The following CAMTA1 variants were observed in gnomAD, a reference collection of about 807,000 sequenced individuals.
CAMTA1 encodes the protein calmodulin-binding transcription activator 1.
In CAMTA1, 27 loss-of-function variants were observed where a neutral mutation model predicts 170.9. The ratio of observed to expected loss-of-function variants is 0.16; its 90% CI spans 0.12 to 0.22. The LOEUF is 0.22. Among genes scored for constraint, CAMTA1 ranks in the 10% least tolerant of loss-of-function variants. The pLI is 1.00. For synonymous variants in CAMTA1, 833 were observed against 891.5 expected, an observed-to-expected ratio of 0.93 and a Z score of 1.17; for missense variants, 1,619 against 2,217.2, an observed-to-expected ratio of 0.73 and a Z score of 5.42.
At chr1:6,995,295 C>CTTTTCTTTTTTTTTTTTTT (rs1697047615) in intron 3 of CAMTA1, among the ~76,000 whole-genome samples, 9 of 60,620 alleles carry the variant, frequency 1.5e-4, no homozygotes, top group Middle Eastern at 0.012. Flanking sequence ...TTTTTCTTTT[C>CTTTTCTTTTTTTTTTTTTT]TTTTTTTTTT....
chr1:7,376,880 C>T (rs11120906), intron 5 of CAMTA1, among the ~76,000 whole-genome samples: 3,082 of 152,248 alleles, frequency 0.02, 95 homozygotes, highest in African/African-American at 0.069. Context: ...ATAGGCTGCT[C>T]CCTGGGAGCT....
intron 3 of CAMTA1, among the ~76,000 whole-genome samples, chr1:7,023,914 G>A (rs1441670963): frequency 6.6e-6 from 1 of 151,772 alleles, no homozygotes; most frequent in Non-Finnish European, 1.5e-5. Flanking sequence ...TGTAATCCCA[G>A]CTACTCAGGA....
At chr1:7,511,822 C>T (rs2094205267) in intron 6 of CAMTA1, among the ~76,000 whole-genome samples, 1 of 152,196 alleles carries the variant, frequency 6.6e-6, no homozygotes, top group Non-Finnish European at 1.5e-5. Context: ...TGGCGGCTTT[C>T]CTGGTCCCCA....
At chr1:7,139,142 C>CAT (rs200912652) in intron 4 of CAMTA1, among the ~76,000 whole-genome samples, 67,013 of 133,032 alleles carry the variant, frequency 0.5, 17,221 homozygotes, top group African/African-American at 0.69. Context: ...TATAAATAAA[C>CAT]AAATATATAA....
intron 7 of CAMTA1, among the ~76,000 whole-genome samples, chr1:7,646,938 G>A (rs772386543): frequency 2.6e-5 from 4 of 152,222 alleles, no homozygotes; most frequent in Non-Finnish European, 4.4e-5. Context: ...CAGGGTGTCA[G>A]TCCTGCCAGC....
chr1:7,118,689 T>C (rs774005820), intron 4 of CAMTA1, among the ~76,000 whole-genome samples: 19 of 152,192 alleles, frequency 1.2e-4, no homozygotes, highest in Non-Finnish European at 2.1e-4. Context: ...TTAAAAAATG[T>C]GTGTCCCGGT....
In CAMTA1 at chr1:7,467,880, G is replaced by A. The variant is rs1322443941; in HGVS notation, c.489G>A (p.Arg163=). 1.2e-6 allele frequency: 2 copies of A among 1,613,532 alleles called. No homozygotes were observed. Among genetic ancestry groups the A allele is most frequent in the African/African-American group, 2.7e-5 (2 of 75,040 alleles). The change falls in exon 6 of 23, where the codon CGG becomes CGA. Residue 163 remains arginine (R), a synonymous_variant. Transcript: ENST00000303635. The part of the protein sequence containing the change: ...VHSSIIPTFH[R]RCYWLLQNPD... Reference sequence around the variant, plus strand: ...CCTCCATCATCCCCACCTTCCACCGGAGGTGCTACTGGCTCCTTCAGGTAG... The same window carrying A: ...CCTCCATCATCCCCACCTTCCACCGAAGGTGCTACTGGCTCCTTCAGGTAG...
intron 6 of CAMTA1, among the ~76,000 whole-genome samples, chr1:7,610,935 G>A (rs1203418570): frequency 6.6e-6 from 1 of 152,242 alleles, no homozygotes; most frequent in Admixed American, 6.5e-5. Context: ...GGGAGGCCAG[G>A]TCCCAGGCCC....
At chr1:6,827,554 G>A (rs1305298703) in intron 3 of CAMTA1, among the ~76,000 whole-genome samples, 1 of 150,418 alleles carries the variant, frequency 6.6e-6, no homozygotes, top group Non-Finnish European at 1.5e-5. Context: ...TTTTTAAACT[G>A]GCTTTGGTAA....
At chr1:7,571,782 A>G (rs1355676113) in intron 6 of CAMTA1, among the ~76,000 whole-genome samples, 7 of 152,218 alleles carry the variant, frequency 4.6e-5, no homozygotes, top group Non-Finnish European at 1.0e-4. Flanking sequence ...TATTGTGAAT[A>G]GTGCTGCAGT....
At chr1:7,560,594 G>A (rs1054249443) in intron 6 of CAMTA1, among the ~76,000 whole-genome samples, 3 of 152,254 alleles carry the variant, frequency 2.0e-5, no homozygotes, top group East Asian at 3.8e-4. Flanking sequence ...GTCCTCAGAC[G>A]TGCAGACAGG....
At chr1:7,577,288 A>G (rs2095207401) in intron 6 of CAMTA1, among the ~76,000 whole-genome samples, 1 of 115,144 alleles carries the variant, frequency 8.7e-6, no homozygotes, top group Non-Finnish European at 1.9e-5. Context: ...GAGGTGTGCC[A>G]TCACTGAAAA....
rs2094956068 is a variant in CAMTA1, at chr1:7,561,469, C to T, written c.511-78931C>T. Among the ~76,000 whole-genome samples, 1 of 151,780 alleles carries T rather than the reference C, an allele frequency of 6.6e-6. No homozygotes were observed. The highest frequency in any genetic ancestry group is 6.5e-5 in the Admixed American group (1 of 15,270). Reference sequence around the variant, plus strand: ...TGGGACTCTCCCTGCTGGGCACACCCCAGCGGCACCAGCACACTCCTCATC... The same window carrying T: ...TGGGACTCTCCCTGCTGGGCACACCTCAGCGGCACCAGCACACTCCTCATC... On this transcript the variant is annotated intron_variant, in intron 6 of 22. Transcript: ENST00000303635. The surrounding 1 kb of genome is among the most constrained non-coding windows in gnomAD (Gnocchi z 5.3).
intron 12 of CAMTA1, among the ~76,000 whole-genome samples, chr1:7,734,198 C>T (rs1031983582): frequency 6.6e-6 from 1 of 152,166 alleles, no homozygotes; most frequent in African/African-American, 2.4e-5. Flanking sequence ...CCGCCTGCCT[C>T]GGCCTCCCAA....
At chr1:7,699,957 T>G (rs2096420980) in intron 11 of CAMTA1, among the ~76,000 whole-genome samples, 1 of 152,222 alleles carries the variant, frequency 6.6e-6, no homozygotes, top group Admixed American at 6.5e-5. Flanking sequence ...TTTGCAAATA[T>G]TTTCTCCCTT....
At chr1:7,557,027 G>A (rs943954812) in intron 6 of CAMTA1, among the ~76,000 whole-genome samples, 3 of 152,162 alleles carry the variant, frequency 2.0e-5, no homozygotes, top group African/African-American at 4.8e-5. Flanking sequence ...ATGTTCAACA[G>A]CCAGGCGCGG....
chr1:7,348,727 C>T (rs1325357131), intron 5 of CAMTA1, among the ~76,000 whole-genome samples: 1 of 152,146 alleles, frequency 6.6e-6, no homozygotes, highest in Non-Finnish European at 1.5e-5. Context: ...GGCTTCAATC[C>T]AGGTCCGTTC....
chr1:7,380,269 T>C (rs895781853), intron 5 of CAMTA1, among the ~76,000 whole-genome samples: 2 of 152,184 alleles, frequency 1.3e-5, no homozygotes, highest in African/African-American at 4.8e-5. Flanking sequence ...TCCTCTGGTA[T>C]CCCAAGGAAG....
chr1:7,688,301 A>C (rs905785529), intron 11 of CAMTA1, among the ~76,000 whole-genome samples: 3 of 152,126 alleles, frequency 2.0e-5, no homozygotes, highest in African/African-American at 7.2e-5. Flanking sequence ...CACCATGCCC[A>C]GCCGGACTCC....
Sources: gnomAD v4.1 joint callset for allele counts (sites outside exome capture counted in the v4.1 genomes callset) on GRCh38, gnomAD v4.1.1 for gene constraint, Gnocchi (gnomAD v3.1) non-coding constraint, MANE v1.5 for transcripts, NCBI Gene and HGNC (gene_info 2026-07-23, HGNC 2026-07-21) for gene names.